The following XKR6 variants were observed in gnomAD, a reference collection of about 807,000 sequenced individuals.
XKR6 encodes XK related 6, also known as XK-related protein 6.
A neutral mutation model predicts 56.7 loss-of-function variants in XKR6; 22 were observed. The ratio of observed to expected loss-of-function variants is 0.39; its 90% confidence interval spans 0.28 to 0.55. XKR6 has a LOEUF of 0.55. XKR6 is among the 20% of genes least tolerant of loss of function. The pLI, the probability that XKR6 is intolerant of heterozygous loss-of-function variation, is 0.66. For missense variants in XKR6, 852 were observed against 889.0 expected (o/e 0.96, Z 0.53); for synonymous variants, 524 against 387.8 (o/e 1.35, Z -4.13).
chr8:10,949,381 G>A (rs1483970323), intron 1 of XKR6, among the ~76,000 whole-genome samples: 1 of 152,234 alleles, frequency 6.6e-6, no homozygotes, highest in African/African-American at 2.4e-5. Flanking sequence ...CCGTGGATGA[G>A]GATCTGGGAG....
chr8:11,042,912 T>A (rs1799320732), intron 1 of XKR6, among the ~76,000 whole-genome samples: 1 of 152,138 alleles, frequency 6.6e-6, no homozygotes, highest in Non-Finnish European at 1.5e-5. Context: ...TGCACTCCTC[T>A]TCCTGCCAGG....
chr8:11,168,242 T>C (rs1490486681), intron 1 of XKR6, among the ~76,000 whole-genome samples: 1 of 152,208 alleles, frequency 6.6e-6, no homozygotes, highest in Non-Finnish European at 1.5e-5. Context: ...TTGTACTTAC[T>C]ACACAAAGAC....
At chr8:11,116,517 C>T (rs1259233787) in intron 1 of XKR6, among the ~76,000 whole-genome samples, 1 of 152,076 alleles carries the variant, frequency 6.6e-6, no homozygotes, top group Non-Finnish European at 1.5e-5. Flanking sequence ...ATTACAGGGG[C>T]CCATCGCCAC....
intron 1 of XKR6, among the ~76,000 whole-genome samples, chr8:11,039,594 T>A (rs1252616763): frequency 1.3e-5 from 2 of 152,110 alleles, no homozygotes; most frequent in Admixed American, 1.3e-4. Context: ...GGCCCCAACG[T>A]CCAGGGTGGA....
Position 11,158,843 on chromosome 8 carries a change from G to A in XKR6, c.764+41733C>T, listed in dbSNP as rs969667334. Among the ~76,000 whole-genome samples, 7 of 152,178 alleles carry A rather than the reference G, an allele frequency of 4.6e-5. 1 individual carries two copies. Among genetic ancestry groups the A allele is most frequent in the Non-Finnish European group, 8.8e-5 (6 of 68,038 alleles). On this transcript the variant is annotated intron_variant, in intron 1 of 2. Coordinates refer to ENST00000416569, the MANE Select transcript of XKR6 (RefSeq NM_173683.4). ...AAAAATATAGGCAGAGATAAGCCTAGGAGAAAGGGAATAATTACCAGAACA... is the reference window on the plus strand; with the variant it reads ...AAAAATATAGGCAGAGATAAGCCTAAGAGAAAGGGAATAATTACCAGAACA...
intron 1 of XKR6, among the ~76,000 whole-genome samples, chr8:11,040,170 A>C (rs1217641022): frequency 6.6e-6 from 1 of 151,946 alleles, no homozygotes; most frequent in South Asian, 2.1e-4. Context: ...AAGGTCCACG[A>C]TGCCCTACTT....
chr8:11,158,973 G>A (rs1287263613), intron 1 of XKR6, among the ~76,000 whole-genome samples: 2 of 152,186 alleles, frequency 1.3e-5, no homozygotes, highest in Admixed American at 6.5e-5. Flanking sequence ...TAGGACACGT[G>A]ATTAAAAGTG....
At chr8:10,966,709 A>C (rs942180212) in intron 1 of XKR6, among the ~76,000 whole-genome samples, 3 of 151,960 alleles carry the variant, frequency 2.0e-5, no homozygotes, top group African/African-American at 4.8e-5. Context: ...TAAAAATAAA[A>C]ATGCAAGTTC....
chr8:10,959,892 G>T (rs1177835800), intron 1 of XKR6, among the ~76,000 whole-genome samples: 1 of 152,182 alleles, frequency 6.6e-6, no homozygotes, highest in African/African-American at 2.4e-5. Context: ...TTCCAAACAT[G>T]AGTTTCTGTG....
rs891654894 is a variant in XKR6 at position 10,966,880 on chromosome 8, A to G, written c.765-42050T>C. 9.9e-5 allele frequency among the ~76,000 whole-genome samples: 15 copies of G among 152,234 alleles called. No homozygotes were observed. In the East Asian group the frequency reaches 2.3e-3, roughly 24 times the overall value. On this transcript the variant is annotated intron_variant, in intron 1 of 2. Coordinates refer to ENST00000416569, the MANE Select transcript of XKR6 (RefSeq NM_173683.4). ...TGAGAATCACCTGACGAGCCCTTCCAGTAAACAGGTGGCACTCTGATCTCT... is the reference window on the plus strand; with the variant it reads ...TGAGAATCACCTGACGAGCCCTTCCGGTAAACAGGTGGCACTCTGATCTCT...
At chr8:11,067,436 G>A (rs1343912958) in intron 1 of XKR6, among the ~76,000 whole-genome samples, 1 of 152,234 alleles carries the variant, frequency 6.6e-6, no homozygotes. Context: ...CAAAAGGGTT[G>A]AACTGGACCA....
Position 11,165,933 on chromosome 8 carries a change from GTA to G in XKR6, c.764+34641_764+34642del, listed in dbSNP as rs201774023. Among the ~76,000 whole-genome samples the G allele has an allele frequency of 4.0e-4, 59 of 146,234 alleles. 1 individual carries two copies. In the South Asian group the frequency reaches 6.5e-3, roughly 16 times the overall value. ...ACCACTGTTTGATGGATACATTCAT[GTA>G]TATATATATATATAGTTTTTTGGGT... is the stretch of plus-strand genomic sequence containing the variant. On this transcript the variant is annotated intron_variant, in intron 1 of 2. Coordinates refer to ENST00000416569, the MANE Select transcript of XKR6 (RefSeq NM_173683.4).
At chr8:11,150,579 G>A (rs1305735279) in intron 1 of XKR6, among the ~76,000 whole-genome samples, 7 of 152,120 alleles carry the variant, frequency 4.6e-5, no homozygotes, top group African/African-American at 9.7e-5. Context: ...CAGGCTGGGC[G>A]TGGTGGCTCA....
intron 1 of XKR6, among the ~76,000 whole-genome samples, chr8:11,041,388 T>A (rs539719149): frequency 6.6e-6 from 1 of 152,170 alleles, no homozygotes; most frequent in African/African-American, 2.4e-5. Flanking sequence ...AAACCCCGTC[T>A]CTACTAAAAA....
intron 1 of XKR6, among the ~76,000 whole-genome samples, chr8:11,150,374 T>G (rs1245084110): frequency 6.6e-6 from 1 of 152,210 alleles, no homozygotes; most frequent in Non-Finnish European, 1.5e-5. Flanking sequence ...GTATCAATTT[T>G]TAAAACCCAC....
At chr8:11,032,330 C>G (rs534685608) in intron 1 of XKR6, among the ~76,000 whole-genome samples, 39 of 151,994 alleles carry the variant, frequency 2.6e-4, no homozygotes, top group Non-Finnish European at 5.9e-5. Flanking sequence ...ATGTGTTGCC[C>G]GAAAATGGCA....
intron 2 of XKR6, among the ~76,000 whole-genome samples, chr8:10,915,337 C>T (rs1347077520): frequency 2.7e-5 from 3 of 111,982 alleles, no homozygotes; most frequent in Non-Finnish European, 5.9e-5. Flanking sequence ...CTAAACTTGC[C>T]GTTGTCAGAG....
chr8:11,141,510 G>T (rs1319396412), intron 1 of XKR6, among the ~76,000 whole-genome samples: 3 of 152,212 alleles, frequency 2.0e-5, no homozygotes, highest in Admixed American at 2.0e-4. Context: ...TGATGCAAAT[G>T]ACCTGCGGTC....
At chr8:11,163,730 A>G (rs1332825162) in intron 1 of XKR6, among the ~76,000 whole-genome samples, 1 of 152,196 alleles carries the variant, frequency 6.6e-6, no homozygotes, top group Non-Finnish European at 1.5e-5. Context: ...CTGAGCACAT[A>G]AACTCATTTC....
Sources: gnomAD v4.1 joint callset for allele counts (sites outside exome capture counted in the v4.1 genomes callset) on GRCh38, gnomAD v4.1.1 for gene constraint, MANE v1.5 for transcripts, NCBI Gene and HGNC (gene_info 2026-07-23, HGNC 2026-07-21) for gene names.